Variants in HADHA observed in about 807,000 individuals in gnomAD.
HADHA encodes trifunctional enzyme subunit alpha, mitochondrial.
Under a neutral mutation model 91.3 loss-of-function variants are expected in HADHA, and 59 were observed. The observed-to-expected ratio is 0.65, with a 90% CI of 0.52 to 0.80. The LOEUF (loss-of-function observed/expected upper bound fraction) is 0.80. Among genes scored for constraint, HADHA ranks in the 30% least tolerant of loss-of-function variants. The pLI is 0.00. For missense variants in HADHA, 800 were observed against 927.6 expected, an observed-to-expected ratio of 0.86 and a Z score of 1.79; for synonymous variants, 320 against 338.9, an observed-to-expected ratio of 0.94 and a Z score of 0.61.
At position 26,238,972 on chromosome 2, in the gene HADHA, C is replaced by T; in HGVS notation, c.142G>A (p.Asp48Asn). 6.2e-7 allele frequency: 1 copy of T among 1,608,822 alleles called. No homozygotes were observed. The highest frequency in any genetic ancestry group is 8.5e-7 in the Non-Finnish European group (1 of 1,175,858). Residue 48 changes from aspartate to asparagine, a missense_variant, in exon 3 of 20, where the codon GAT (aspartate) becomes AAT (asparagine). Physicochemically the swap from Asp to Asn is conservative, Grantham distance 23. Transcript: ENST00000380649. ...GAGTTAATTCGAACAACTGCCACAT[C>T]CCCTTTGACTCCATAGTTAATATGG... ...RTHINYGVKG[D>N]VAVVRINSPN...
chr2:26,225,798 C>G (rs1341101813), intron 7 of HADHA, among the ~76,000 whole-genome samples: 3 of 152,138 alleles, frequency 2.0e-5, no homozygotes, highest in Non-Finnish European at 4.4e-5. Flanking sequence ...GTTGACAATA[C>G]TTGTTCTCAT....
chr2:26,212,450 G>T, intron 10 of HADHA, 120 bp downstream of exon 10: 1 of 748,326 alleles, frequency 1.3e-6, no homozygotes, highest in Non-Finnish European at 2.4e-6. Flanking sequence ...GATAAGCACT[G>T]GAAGAAAAAA....
At chr2:26,230,124 A>C in intron 7 of HADHA, 68 bp downstream of exon 7, 1 of 1,007,580 alleles carries the variant, frequency 9.9e-7, no homozygotes, top group Non-Finnish European at 1.6e-6. Flanking sequence ...TGCCTGGCCT[A>C]AGAGGTTAAC....
chr2:26,191,576 C>T lies in HADHA; in HGVS notation c.2053G>A (p.Ala685Thr). The T allele has an allele frequency of 2.5e-6, 4 of 1,614,054 alleles. No homozygotes were observed. The highest frequency in any genetic ancestry group is 3.4e-6 in the Non-Finnish European group (4 of 1,179,916). The change falls in exon 19 of 20, where the codon GCA becomes ACA. Residue 685 changes from alanine (A) to threonine (T), a missense_variant. By Grantham distance (58) the Ala-to-Thr change is moderately conservative. Transcript: ENST00000380649. The stretch of plus-strand genomic sequence containing the variant: ...ATCCCCTCTTGCAGGCACATGACTG[C>T]CTCATTCACAAATCTTGTCACCAGG... ...FRLVTRFVNE[A>T]VMCLQEGILA...
chr2:26,216,994 G>A (rs946699931), intron 7 of HADHA, among the ~76,000 whole-genome samples: 6 of 152,118 alleles, frequency 3.9e-5, no homozygotes, highest in African/African-American at 1.4e-4. Flanking sequence ...ATGATAGAAG[G>A]AGCAGACGTG....
At chr2:26,241,275 C>G (rs898697437) in intron 1 of HADHA, among the ~76,000 whole-genome samples, 1 of 152,042 alleles carries the variant, frequency 6.6e-6, no homozygotes, top group African/African-American at 2.4e-5. Flanking sequence ...TCTCAAGATT[C>G]AACACTGGGA....
intron 7 of HADHA, among the ~76,000 whole-genome samples, chr2:26,227,991 T>G (rs1670523506): frequency 6.6e-6 from 1 of 151,798 alleles, no homozygotes; most frequent in African/African-American, 2.4e-5. Context: ...AGTTAAAACT[T>G]TTTATTTTGT....
At chr2:26,195,724 TAA>T (rs1558315859) in intron 14 of HADHA, among the ~76,000 whole-genome samples, 1 of 152,168 alleles carries the variant, frequency 6.6e-6, no homozygotes, top group Non-Finnish European at 1.5e-5. Flanking sequence ...CAGATGCACT[TAA>T]GACTCATTAA....
intron 11 of HADHA, among the ~76,000 whole-genome samples, chr2:26,208,929 T>A (rs985827349): frequency 2.6e-5 from 4 of 152,224 alleles, no homozygotes; most frequent in Non-Finnish European, 5.9e-5. Context: ...TTTTATTTTG[T>A]ATTTTGTATT....
rs1020421480 is a variant in HADHA at position 26,210,174 on chromosome 2, C to G, written c.976-285G>C. Among the ~76,000 whole-genome samples the G allele has an allele frequency of 2.0e-5, 3 of 152,160 alleles. No homozygotes were observed. Among genetic ancestry groups the G allele is most frequent in the Non-Finnish European group, 4.4e-5 (3 of 68,010 alleles). On this transcript the variant is annotated intron_variant, in intron 10 of 19. Transcript: ENST00000380649. This position sits in a 1 kb window ranked among gnomAD's most constrained non-coding sequence, Gnocchi z 4.0. Reference sequence around the variant, plus strand: ...ACACCAGAGGTGTGGTAACCTTTTTCATAAAACTAGAGTCTCAGGGCCAAA... The same window carrying G: ...ACACCAGAGGTGTGGTAACCTTTTTGATAAAACTAGAGTCTCAGGGCCAAA...
intron 7 of HADHA, among the ~76,000 whole-genome samples, chr2:26,223,840 G>A (rs1320046855): frequency 6.6e-6 from 1 of 152,066 alleles, no homozygotes; most frequent in Non-Finnish European, 1.5e-5. Flanking sequence ...TCTGCCTCCC[G>A]GGTTCAAGTG....
intron 7 of HADHA, among the ~76,000 whole-genome samples, chr2:26,217,765 G>GT (rs1670275120): frequency 6.6e-6 from 1 of 151,926 alleles, no homozygotes; most frequent in Non-Finnish European, 1.5e-5. Context: ...TAATTAGCTG[G>GT]GCATGGTGGT....
At chr2:26,201,454 A>C in intron 12 of HADHA, 134 bp from the exon 13 acceptor site, 1 of 652,252 alleles carries the variant, frequency 1.5e-6, no homozygotes, top group Non-Finnish European at 2.7e-6. Flanking sequence ...ATTTTGAGGG[A>C]GACTTTCAAG....
intron 1 of HADHA, among the ~76,000 whole-genome samples, chr2:26,242,136 C>G (rs982315765): frequency 5.3e-5 from 8 of 152,140 alleles, no homozygotes; most frequent in African/African-American, 1.9e-4. Flanking sequence ...GTGATCTGCC[C>G]GCCTTGGCCT....
intron 1 of HADHA, 89 bp from the exon 2 acceptor site, chr2:26,239,232 C>T (rs1200461748): frequency 2.2e-6 from 2 of 915,476 alleles, no homozygotes; most frequent in Admixed American, 1.7e-5. Flanking sequence ...ACAATAATAA[C>T]AACAACAAAA....
chr2:26,193,825 CA>C, intron 16 of HADHA, 53 bp from the exon 17 acceptor site: 1 of 1,410,158 alleles, frequency 7.1e-7, no homozygotes, highest in South Asian at 1.2e-5. Flanking sequence ...CAAATCCCCC[CA>C]AAGGGCTCCC....
rs1430059460 is a variant in HADHA at position 26,209,928 on chromosome 2, C to A, written c.976-39G>T. ...GGGAATGAGAAAAGGTAGAACTTCA[C>A]AGTCTAGGTTATATGGATTCCTTCA... On this transcript the variant is annotated intron_variant, in intron 10 of 19. Transcript: ENST00000380649. The A allele has an allele frequency of 3.8e-6, 4 of 1,038,986 alleles. No individual in the cohort carries two copies. In the African/African-American group the frequency reaches 6.2e-5, roughly 16 times the overall value. The allele number at this position is 1,038,986 out of a possible 1,614,324, so 64.4% of individuals were successfully genotyped here.
intron 15 of HADHA, 34 bp downstream of exon 15, chr2:26,195,057 CA>C: frequency 6.3e-7 from 1 of 1,588,778 alleles, no homozygotes; most frequent in Non-Finnish European, 8.6e-7. Context: ...TAGAACTTTT[CA>C]AAAACTCTGC....
Position 26,197,701 on chromosome 2 carries a change from C to G in HADHA, c.1469G>C (p.Arg490Thr). 1 of 1,454,108 alleles carries G rather than the reference C, an allele frequency of 6.9e-7. No individual in the cohort carries two copies. Among genetic ancestry groups the G allele is most frequent in the Non-Finnish European group, 9.7e-7 (1 of 1,033,630 alleles). 90.1% of individuals were successfully genotyped at this position (1,454,108 alleles called of 1,614,324 possible). A position where few individuals can be genotyped will look rare whatever the true frequency, so the allele number is the denominator to read the frequency against. ...CTGTTCCGAGTTTACCTTCTCAGGT[C>G]TTTTGCTGACAGCAGCGATTTCACT... ...PISEIAAVSK[R>T]PEKVIGMHYF... is the part of the protein sequence containing the mutation. Residue 490 changes from arginine (R) to threonine (T), a missense_variant, in exon 14 of 20, where the codon AGA (arginine) becomes ACA (threonine). Transcript: ENST00000380649.
Sources: allele counts gnomAD v4.1 joint callset (sites outside exome capture counted in the v4.1 genomes callset), GRCh38; gene constraint gnomAD v4.1.1; non-coding constraint Gnocchi (gnomAD v3.1); transcripts MANE v1.5; gene names NCBI Gene and HGNC (gene_info 2026-07-23, HGNC 2026-07-21).